The following C1orf105 variants were observed in gnomAD, a reference collection of about 807,000 sequenced individuals.
The protein encoded by C1orf105 is chromosome 1 open reading frame 105.
In C1orf105, 17 loss-of-function variants were observed where a neutral mutation model predicts 20.8. The ratio of observed to expected loss-of-function variants is 0.82; its 90% confidence interval spans 0.56 to 1.23. The LOEUF (loss-of-function observed/expected upper bound fraction) is 1.23. Among genes scored for constraint, C1orf105 ranks in the 50% most tolerant of loss-of-function variants. C1orf105 has a pLI of 0.00. For synonymous variants in C1orf105, 72 were observed against 72.1 expected (o/e 1.00, Z 0.01); for missense variants, 219 against 213.5 (o/e 1.03, Z -0.16).
intron 1 of C1orf105, among the ~76,000 whole-genome samples, chr1:172,435,140 G>A (rs902345952): frequency 3.1e-4 from 47 of 152,266 alleles, no homozygotes; most frequent in Non-Finnish European, 3.8e-4. Flanking sequence ...AGGACCAGAT[G>A]GATTCACAGC....
intron 1 of C1orf105, among the ~76,000 whole-genome samples, chr1:172,439,856 T>C (rs1225149020): frequency 2.0e-5 from 3 of 147,488 alleles, no homozygotes; most frequent in African/African-American, 4.9e-5. Context: ...TATAGAATAA[T>C]TATGAGGCAT....
chr1:172,420,825 G>T lies in C1orf105; in HGVS notation c.-61G>T. On this transcript the variant is annotated 5_prime_UTR_variant, in exon 1 of 7. The change creates a new upstream start codon in the 5' untranslated region. Transcript: ENST00000367727. ...AGCAGTCTTCCACTGGCCACAGTGA[G>T]GGGAGCTAGGTTTCCCCAGTCTCCA... 6.4e-7 allele frequency: 1 copy of T among 1,556,656 alleles called. No individual in the cohort carries two copies. The highest frequency in any genetic ancestry group is 1.1e-5 in the South Asian group (1 of 89,472).
intron 1 of C1orf105, chr1:172,444,237 C>T (rs767519490): frequency 1.0e-6 from 1 of 985,312 alleles, no homozygotes; most frequent in African/African-American, 1.7e-5. Flanking sequence ...GAAGGCAAAT[C>T]CCCAGCAATC....
intron 1 of C1orf105, among the ~76,000 whole-genome samples, chr1:172,424,592 T>C (rs1366611659): frequency 6.6e-6 from 1 of 152,170 alleles, no homozygotes; most frequent in African/African-American, 2.4e-5. Context: ...GGTTTCACAA[T>C]GTTGGCCAGG....
intron 1 of C1orf105, among the ~76,000 whole-genome samples, chr1:172,437,816 A>C (rs2149165744): frequency 6.6e-6 from 1 of 152,068 alleles, no homozygotes; most frequent in South Asian, 2.1e-4. Flanking sequence ...GCTACACTCA[A>C]CAATAGATAT....
intron 3 of C1orf105, among the ~76,000 whole-genome samples, chr1:172,449,936 C>A (rs1648427927): frequency 6.6e-6 from 1 of 152,220 alleles, no homozygotes; most frequent in Non-Finnish European, 1.5e-5. Context: ...TGTTCTGGGT[C>A]TCTGTACTGT....
rs780180460 is a variant in C1orf105, at chr1:172,465,293, A to G, written c.342-6A>G. ...ACTAATGTGTTTTCTTGTTTCTTCC[A>G]ATCAGAATGAGTCTTCATCAACCCA... On this transcript the variant is annotated splice_region_variant and splice_polypyrimidine_tract_variant and intron_variant, in intron 5 of 6. Coordinates refer to ENST00000367727, the MANE Select transcript of C1orf105 (RefSeq NM_139240.4). 3 of 1,606,372 alleles carry G rather than the reference A, an allele frequency of 1.9e-6. No individual in the cohort carries two copies. Among genetic ancestry groups the G allele is most frequent in the South Asian group, 1.1e-5 (1 of 90,664 alleles).
At chr1:172,463,839 G>C (rs1167121602) in intron 5 of C1orf105, among the ~76,000 whole-genome samples, 1 of 152,154 alleles carries the variant, frequency 6.6e-6, no homozygotes, top group Non-Finnish European at 1.5e-5. Context: ...ACATCAACCA[G>C]ACGTATCATG....
intron 4 of C1orf105, among the ~76,000 whole-genome samples, chr1:172,456,780 AG>A (rs1018153771): frequency 3.3e-5 from 5 of 152,162 alleles, no homozygotes; most frequent in Non-Finnish European, 7.4e-5. Context: ...TCAGAGGCTT[AG>A]GGGATTATGG....
chr1:172,436,125 T>A (rs1446900978), intron 1 of C1orf105, among the ~76,000 whole-genome samples: 1 of 152,236 alleles, frequency 6.6e-6, no homozygotes, highest in Non-Finnish European at 1.5e-5. Context: ...TCCATGTTCA[T>A]GGATAGGAAG....
intron 1 of C1orf105, chr1:172,441,780 C>A: frequency 6.2e-7 from 1 of 1,600,728 alleles, no homozygotes; most frequent in Admixed American, 1.7e-5. Context: ...CATCCCAAGG[C>A]CCATGAATGT....
rs1485519659 is a variant in C1orf105 at position 172,445,168 on chromosome 1, C to T, written c.107+10C>T. The T allele has an allele frequency of 4.4e-6, 7 of 1,604,352 alleles. No individual in the cohort carries two copies. Among genetic ancestry groups the T allele is most frequent in the Non-Finnish European group, 6.0e-6 (7 of 1,174,630 alleles). On this transcript the variant is annotated intron_variant, in intron 2 of 6. Coordinates refer to ENST00000367727, the MANE Select transcript of C1orf105 (RefSeq NM_139240.4). ...TCAGCCTTCCCAGAAGGTAACCTCT[C>T]AGCCACCGAGGGCAAAAGTTTTACG...
At chr1:172,459,199 A>C (rs1275309294) in intron 4 of C1orf105, among the ~76,000 whole-genome samples, 1 of 152,184 alleles carries the variant, frequency 6.6e-6, no homozygotes, top group Non-Finnish European at 1.5e-5. Context: ...ATCAGTCTTC[A>C]TAAAAATTTT....
chr1:172,453,257 G>C, intron 3 of C1orf105: 7 of 1,483,352 alleles, frequency 4.7e-6, no homozygotes, highest in Non-Finnish European at 6.4e-6. Flanking sequence ...GACAGGATTA[G>C]AGCATCCGCC....
chr1:172,431,216 T>C, intron 1 of C1orf105: 1 of 435,930 alleles, frequency 2.3e-6, no homozygotes, highest in Non-Finnish European at 4.1e-6. Context: ...CGAGACAGGC[T>C]GAAAGCCAGG....
At position 172,468,579 on chromosome 1, in the gene C1orf105, G is replaced by A; in HGVS notation, c.537G>A (p.Lys179=). 6.2e-7 allele frequency: 1 copy of A among 1,613,560 alleles called. No individual in the cohort carries two copies. The highest frequency in any genetic ancestry group is 8.5e-7 in the Non-Finnish European group (1 of 1,179,650). ...SSLPRKEPIG[K]TTRQ is the part of the protein sequence containing the mutation. The stretch of plus-strand genomic sequence containing the variant: ...TGCCCAGAAAGGAACCAATAGGCAA[G>A]ACAACGAGGCAGTGAGCGGTAGGAG... Residue 179 remains lysine, a synonymous_variant, in exon 7 of 7, where the codon AAG becomes AAA. Coordinates refer to ENST00000367727, the MANE Select transcript of C1orf105 (RefSeq NM_139240.4).
intron 1 of C1orf105, among the ~76,000 whole-genome samples, chr1:172,429,000 G>A (rs1436562720): frequency 1.3e-5 from 2 of 152,184 alleles, no homozygotes; most frequent in Admixed American, 1.3e-4. Context: ...ATAAGGGAAC[G>A]ATGAGGAATT....
In C1orf105 at chr1:172,460,589, A is replaced by G. The variant is rs556517374; in HGVS notation, c.274-1589A>G. On this transcript the variant is annotated intron_variant, in intron 4 of 6. Coordinates refer to ENST00000367727, the MANE Select transcript of C1orf105 (RefSeq NM_139240.4). ...ACATATATTAAAAAATAGTTTCAAA[A>G]TAAATTAAGTTTATTTCAACAAATA... 1.8e-4 allele frequency among the ~76,000 whole-genome samples: 27 copies of G among 151,458 alleles called. No individual in the cohort carries two copies. The East Asian group carries it at 4.8e-3, about 27-fold the overall frequency.
At chr1:172,466,065 C>A (rs926258449) in intron 6 of C1orf105, among the ~76,000 whole-genome samples, 1 of 152,164 alleles carries the variant, frequency 6.6e-6, no homozygotes, top group Non-Finnish European at 1.5e-5. Flanking sequence ...TTGATACATA[C>A]AGTAAAGAAA....
Sources: gnomAD v4.1 joint callset for allele counts (sites outside exome capture counted in the v4.1 genomes callset) on GRCh38, gnomAD v4.1.1 for gene constraint, MANE v1.5 for transcripts, NCBI Gene and HGNC (gene_info 2026-07-23, HGNC 2026-07-21) for gene names.